Variants in TRANK1 observed in about 807,000 individuals in gnomAD.
TRANK1 encodes the protein tetratricopeptide repeat and ankyrin repeat containing 1.
TRANK1 carries 198 observed loss-of-function variants against 266.0 expected under a neutral mutation model. The observed-to-expected ratio is 0.74, with a 90% CI of 0.66 to 0.84. The LOEUF (loss-of-function observed/expected upper bound fraction) is 0.84, where lower values mean the gene tolerates loss of function less well. Ranked by LOEUF, TRANK1 falls within the 40% of genes least tolerant of loss-of-function variation. TRANK1 has a pLI of 0.00. For synonymous variants in TRANK1, 1,396 were observed against 1,384.1 expected (o/e 1.01, Z -0.19); for missense variants, 3,326 against 3,634.6 (o/e 0.92, Z 2.18).
Position 36,833,616 on chromosome 3 carries a change from G to A in TRANK1, c.5967C>T (p.Ala1989=), listed in dbSNP as rs765043684. The A allele has an allele frequency of 5.0e-6, 8 of 1,613,784 alleles. No individual in the cohort carries two copies. In the Admixed American group the frequency reaches 1.3e-4, roughly 27 times the overall value. The change falls in exon 22 of 24, where the codon GCC becomes GCT. Residue 1989 remains alanine (A), a synonymous_variant. Transcript: ENST00000645898. ...GGCGGGCGGCCCCCAGCAGACATGAGGCCTGGAAGTCCTTGTCGGCAGTGA... is the reference window on the plus strand; with the variant it reads ...GGCGGGCGGCCCCCAGCAGACATGAAGCCTGGAAGTCCTTGTCGGCAGTGA... ...ARLTADKDFQ[A]SCLLGAARLN... is the part of the protein sequence containing the mutation.
rs1359780149 is a variant in TRANK1 at position 36,911,437 on chromosome 3, A to T, written c.24-2983T>A. Among the ~76,000 whole-genome samples, 4 of 152,328 alleles carry T rather than the reference A, an allele frequency of 2.6e-5. No homozygotes were observed. The East Asian group carries it at 7.7e-4, about 29-fold the overall frequency. ...GGGTTTAACTGAAGAATTCAAACAC[A>T]AGGTATTTCCATTGTATTTACAAAT... On this transcript the variant is annotated intron_variant, in intron 1 of 23. Coordinates refer to ENST00000645898, the MANE Select transcript of TRANK1 (RefSeq NM_001329998.2).
rs755417569 is a variant in TRANK1 at position 36,831,924 on chromosome 3, A to C, written c.7659T>G (p.Tyr2553Ter). The change falls in exon 22 of 24, where the codon TAT (tyrosine) becomes TAG (stop). Residue 2553 changes from tyrosine to a stop codon, truncating the protein, a stop_gained. Coordinates refer to ENST00000645898, the MANE Select transcript of TRANK1 (RefSeq NM_001329998.2). LOFTEE classifies it high-confidence loss of function. This position sits in a 1 kb window ranked among gnomAD's most constrained non-coding sequence, Gnocchi z 5.0. ...VLLDAFSEID[Y>*]VVSGEAERTL... The stretch of plus-strand genomic sequence containing the variant: ...TCCGCTCAGCCTCACCCGAGACCAC[A>C]TAGTCTATTTCACTGAAGGCATCAA... The C allele has an allele frequency of 1.2e-6, 2 of 1,613,890 alleles. No individual in the cohort carries two copies. Among genetic ancestry groups the C allele is most frequent in the African/African-American group, 1.3e-5 (1 of 74,934 alleles).
chr3:36,864,457 T>C lies in TRANK1; in HGVS notation c.1102A>G (p.Thr368Ala), dbSNP rs1299363139. 6.5e-7 allele frequency: 1 copy of C among 1,536,134 alleles called. No individual in the cohort carries two copies. Among genetic ancestry groups the C allele is most frequent in the South Asian group, 1.2e-5 (1 of 83,738 alleles). Residue 368 changes from threonine (T) to alanine (A), a missense_variant, in exon 10 of 24, where the codon ACT becomes GCT. Thr to Ala is a moderately conservative substitution (Grantham distance 58). Coordinates refer to ENST00000645898, the MANE Select transcript of TRANK1 (RefSeq NM_001329998.2). ...LSGFSNGDGPTSENDIFRKVL... is the reference protein window; with the variant it reads ...LSGFSNGDGPASENDIFRKVL... ...TTCCTGAAAATGTCGTTTTCACTAG[T>C]GGGTCCATCACCATTGCTGAATCCT...
At chr3:36,841,503 C>T (rs566084411) in intron 18 of TRANK1, among the ~76,000 whole-genome samples, 3 of 152,288 alleles carry the variant, frequency 2.0e-5, no homozygotes, top group South Asian at 2.1e-4. Context: ...CACAGCAGTT[C>T]CTCCTCTCTT....
At chr3:36,944,520 G>A (rs2080543743) in intron 1 of TRANK1, among the ~76,000 whole-genome samples, 1 of 152,188 alleles carries the variant, frequency 6.6e-6, no homozygotes, top group East Asian at 1.9e-4. Context: ...TGGGAGCTAG[G>A]CAGGCCGCGC....
intron 9 of TRANK1, among the ~76,000 whole-genome samples, chr3:36,865,541 T>C (rs1323151821): frequency 6.6e-6 from 1 of 152,118 alleles, no homozygotes; most frequent in African/African-American, 2.4e-5. Context: ...GCAATATCTT[T>C]TTCATTCAAG....
chr3:36,870,964 A>C (rs1278960380), intron 9 of TRANK1, among the ~76,000 whole-genome samples: 50 of 72,764 alleles, frequency 6.9e-4, no homozygotes, highest in African/African-American at 3.6e-3. Context: ...AAGGAAACTA[A>C]AAAAAAAAAA....
intron 1 of TRANK1, among the ~76,000 whole-genome samples, chr3:36,913,635 G>T (rs1249993354): frequency 1.3e-5 from 2 of 151,854 alleles, no homozygotes; most frequent in Non-Finnish European, 2.9e-5. Context: ...GTTTTGTTTT[G>T]TTTTTTTCTT....
Position 36,942,033 on chromosome 3 carries a change from C to A in TRANK1, c.23+2754G>T, listed in dbSNP as rs1012690861. Among the ~76,000 whole-genome samples the A allele has an allele frequency of 2.0e-5, 3 of 152,316 alleles. No individual in the cohort carries two copies. In the South Asian group the frequency reaches 6.2e-4, roughly 32 times the overall value. ...CAACCTCCACTTCAGTTCTTAAAAT[C>A]CTCCTCTTCAGATCACTTTACCTTC... On this transcript the variant is annotated intron_variant, in intron 1 of 23. Transcript: ENST00000645898.
intron 1 of TRANK1, among the ~76,000 whole-genome samples, chr3:36,925,190 G>A (rs1041122885): frequency 5.3e-5 from 8 of 152,104 alleles, no homozygotes; most frequent in Non-Finnish European, 1.2e-4. Flanking sequence ...GGTCCAGATT[G>A]AAAAGATGGT....
At chr3:36,902,082 T>C (rs536009748) in intron 3 of TRANK1, among the ~76,000 whole-genome samples, 1 of 152,276 alleles carries the variant, frequency 6.6e-6, no homozygotes, top group Admixed American at 6.5e-5. Flanking sequence ...GGGCTACTTA[T>C]AAGATCCACT....
At chr3:36,937,615 A>G (rs2080442204) in intron 1 of TRANK1, among the ~76,000 whole-genome samples, 2 of 152,270 alleles carry the variant, frequency 1.3e-5, no homozygotes, top group South Asian at 4.1e-4. Flanking sequence ...AAGCCAGCCC[A>G]AAGAATAACC....
chr3:36,869,760 T>C (rs1000254433), intron 9 of TRANK1, among the ~76,000 whole-genome samples: 1 of 152,354 alleles, frequency 6.6e-6, no homozygotes, highest in Non-Finnish European at 1.5e-5. Context: ...TACATAAAAT[T>C]ACAGTTAATT....
chr3:36,843,090 CCT>C (rs2078870010), intron 17 of TRANK1, among the ~76,000 whole-genome samples: 1 of 152,148 alleles, frequency 6.6e-6, no homozygotes, highest in South Asian at 2.1e-4. Context: ...GGACTTCTAG[CCT>C]TCAGAACTGT....
At chr3:36,901,314 T>C (rs2079878612) in intron 3 of TRANK1, among the ~76,000 whole-genome samples, 1 of 152,176 alleles carries the variant, frequency 6.6e-6, no homozygotes, top group Admixed American at 6.5e-5. Context: ...GGAAGTTTTA[T>C]GGCCATGAAG....
chr3:36,863,406 C>T (rs2079171104), intron 10 of TRANK1, among the ~76,000 whole-genome samples: 7 of 152,140 alleles, frequency 4.6e-5, no homozygotes. Context: ...CAAAGGCTCC[C>T]TAGATGTGGT....
At chr3:36,835,025 G>C (rs920143675) in intron 20 of TRANK1, 118 bp from the exon 21 acceptor site, 36 of 1,138,856 alleles carry the variant, frequency 3.2e-5, no homozygotes, top group Non-Finnish European at 4.3e-5. Context: ...TTAGAATCCA[G>C]TTAAAAACCC....
At position 36,907,073 on chromosome 3, in the gene TRANK1, A is replaced by G. The variant is rs187839626; in HGVS notation, c.155+1250T>C. On this transcript the variant is annotated intron_variant, in intron 2 of 23. Coordinates refer to ENST00000645898, the MANE Select transcript of TRANK1 (RefSeq NM_001329998.2). ...CTGTGGAGACAAGACATTAAGAAGG[A>G]GATTTACAAAAATGTACAAGTTTTT... Among the ~76,000 whole-genome samples the G allele has an allele frequency of 6.4e-3, 974 of 152,328 alleles. 10 individuals carry two copies. Among genetic ancestry groups the G allele is most frequent in the Non-Finnish European group, 0.011 (722 of 68,024 alleles).
intron 9 of TRANK1, among the ~76,000 whole-genome samples, chr3:36,870,733 T>G (rs1240646779): frequency 6.6e-6 from 1 of 152,106 alleles, no homozygotes; most frequent in Admixed American, 6.5e-5. Context: ...CTTGGAACGA[T>G]GCACAGTCCT....
Sources: allele counts gnomAD v4.1 joint callset (sites outside exome capture counted in the v4.1 genomes callset), GRCh38; gene constraint gnomAD v4.1.1; non-coding constraint Gnocchi (gnomAD v3.1); transcripts MANE v1.5; gene names NCBI Gene and HGNC (gene_info 2026-07-23, HGNC 2026-07-21).